The following SMYD3 variants were observed in gnomAD, a reference collection of about 807,000 sequenced individuals.
The protein encoded by SMYD3 is histone-lysine N-methyltransferase SMYD3.
A neutral mutation model predicts 57.7 loss-of-function variants in SMYD3; 36 were observed. That is an observed-to-expected ratio of 0.62 (90% CI 0.48 to 0.82). The LOEUF is 0.82. SMYD3 is among the 40% of genes least tolerant of loss of function. The probability of loss-of-function intolerance (pLI) is 0.00; values close to 1 mark genes in which losing one functional copy is unlikely to be tolerated. For missense variants in SMYD3, 515 were observed against 538.8 expected (o/e 0.96, Z 0.44); for synonymous variants, 211 against 195.0 (o/e 1.08, Z -0.68).
intron 1 of SMYD3, among the ~76,000 whole-genome samples, chr1:246,359,335 C>A (rs969301252): frequency 3.3e-5 from 5 of 151,994 alleles, no homozygotes; most frequent in Non-Finnish European, 5.9e-5. Context: ...AAATTGCCAA[C>A]AAGAAAAGTC....
chr1:246,134,951 CTT>C (rs2148082564), intron 5 of SMYD3, among the ~76,000 whole-genome samples: 1 of 148,952 alleles, frequency 6.7e-6, no homozygotes, highest in South Asian at 2.1e-4. Flanking sequence ...AAAAAAAAAA[CTT>C]AGCATATATG....
Position 246,408,950 on chromosome 1 carries a change from G to T in SMYD3, c.165-53856C>A, listed in dbSNP as rs148437036. On this transcript the variant is annotated intron_variant, in intron 1 of 11. Transcript: ENST00000490107. ...CTCCCAAAGTGTTGGGATTACAGGC[G>T]TGAGCCACCGCACCCAGCCAAGTCT... Among the ~76,000 whole-genome samples the T allele has an allele frequency of 6.5e-4, 99 of 152,210 alleles. 1 individual carries two copies. The East Asian group carries it at 0.018, about 27-fold the overall frequency.
chr1:246,302,640 T>C (rs1437651572), intron 5 of SMYD3, among the ~76,000 whole-genome samples: 2 of 152,098 alleles, frequency 1.3e-5, no homozygotes, highest in Non-Finnish European at 2.9e-5. Context: ...AGGCTGAGTA[T>C]AGCAAATTGG....
chr1:246,272,218 A>C (rs1475035366), intron 5 of SMYD3, among the ~76,000 whole-genome samples: 2 of 152,230 alleles, frequency 1.3e-5, no homozygotes, highest in African/African-American at 4.8e-5. Flanking sequence ...AGGTCATATC[A>C]TCTATGAACA....
At chr1:246,054,327 G>T (rs10924467) in intron 5 of SMYD3, among the ~76,000 whole-genome samples, 1 of 152,092 alleles carries the variant, frequency 6.6e-6, no homozygotes, top group African/African-American at 2.4e-5. Flanking sequence ...GGGGGAACAC[G>T]AAAAGTCACG....
intron 5 of SMYD3, among the ~76,000 whole-genome samples, chr1:246,199,621 A>G (rs995891441): frequency 5.9e-5 from 9 of 152,240 alleles, no homozygotes; most frequent in Non-Finnish European, 1.3e-4. Flanking sequence ...CACATTTCCA[A>G]TATCTTGTCA....
chr1:246,467,626 T>C (rs1464105060), intron 1 of SMYD3, among the ~76,000 whole-genome samples: 7 of 151,930 alleles, frequency 4.6e-5, no homozygotes, highest in Non-Finnish European at 1.0e-4. Context: ...AAGATAAAAG[T>C]CTCCCATCAA....
chr1:246,110,616 G>T lies in SMYD3; in HGVS notation c.532-180679C>A, dbSNP rs74926864. On this transcript the variant is annotated intron_variant, in intron 5 of 11. Transcript: ENST00000490107. ...TCCCCGCTGCAAGACAGACAGATCTGGTGCTCTCTCTCTTTCTTTGGGTGC... is the reference window on the plus strand; with the variant it reads ...TCCCCGCTGCAAGACAGACAGATCTTGTGCTCTCTCTCTTTCTTTGGGTGC... 2.0e-4 allele frequency among the ~76,000 whole-genome samples: 30 copies of T among 152,302 alleles called. No homozygotes were observed. The East Asian group carries it at 4.8e-3, about 24-fold the overall frequency.
At chr1:246,189,525 G>T (rs1037267689) in intron 5 of SMYD3, among the ~76,000 whole-genome samples, 1 of 152,128 alleles carries the variant, frequency 6.6e-6, no homozygotes, top group African/African-American at 2.4e-5. Context: ...TAACAAGAAG[G>T]GACATATAAG....
intron 1 of SMYD3, among the ~76,000 whole-genome samples, chr1:246,461,560 T>G (rs1252127715): frequency 6.6e-6 from 1 of 151,958 alleles, no homozygotes; most frequent in Admixed American, 6.6e-5. Context: ...CTTATCTATT[T>G]GTTTTGCTAG....
intron 5 of SMYD3, among the ~76,000 whole-genome samples, chr1:246,047,872 T>C (rs2059997319): frequency 6.6e-6 from 1 of 151,892 alleles, no homozygotes; most frequent in Non-Finnish European, 1.5e-5. Flanking sequence ...AAAATAATTA[T>C]ATAGCTTTGA....
intron 5 of SMYD3, chr1:246,109,662 A>G (rs2061196333): frequency 6.6e-6 from 1 of 152,320 alleles, no homozygotes; most frequent in South Asian, 2.1e-4. Context: ...TCCAGCTCTC[A>G]TGGAAAAAGG....
intron 5 of SMYD3, among the ~76,000 whole-genome samples, chr1:246,015,922 G>C (rs2059369078): frequency 6.6e-6 from 1 of 152,174 alleles, no homozygotes; most frequent in South Asian, 2.1e-4. Context: ...TACCTAGAAA[G>C]AGAACTGCTG....
intron 5 of SMYD3, among the ~76,000 whole-genome samples, chr1:246,322,053 G>C (rs1261530969): frequency 6.6e-6 from 1 of 152,100 alleles, no homozygotes; most frequent in Non-Finnish European, 1.5e-5. Flanking sequence ...CATTGTGCCT[G>C]ACCAATAAAT....
chr1:246,071,665 C>T (rs1036610966), intron 5 of SMYD3, among the ~76,000 whole-genome samples: 2 of 152,148 alleles, frequency 1.3e-5, no homozygotes, highest in African/African-American at 2.4e-5. Flanking sequence ...TCTCTGAAAT[C>T]GAAAATCCTG....
At chr1:246,380,506 T>C (rs6685168) in intron 1 of SMYD3, among the ~76,000 whole-genome samples, 6,246 of 152,250 alleles carry the variant, frequency 0.041, 429 homozygotes, top group African/African-American at 0.14. Context: ...AAATGGAAAA[T>C]GTTAATTATC....
At position 246,451,906 on chromosome 1, in the gene SMYD3, G is replaced by A. The variant is rs190962856; in HGVS notation, c.164+55148C>T. Among the ~76,000 whole-genome samples, 4 of 152,038 alleles carry A rather than the reference G, an allele frequency of 2.6e-5. No homozygotes were observed. In the East Asian group the frequency reaches 5.8e-4, roughly 22 times the overall value. On this transcript the variant is annotated intron_variant, in intron 1 of 11. Transcript: ENST00000490107. ...TCAAAAATATACTGTTTTTTTAAAT[G>A]CCTACATAAATGCTCAATAAATGTT...
intron 1 of SMYD3, among the ~76,000 whole-genome samples, chr1:246,369,470 G>C (rs2066159164): frequency 6.6e-6 from 1 of 152,182 alleles, no homozygotes; most frequent in East Asian, 1.9e-4. Flanking sequence ...CACACCAGTA[G>C]ATGTGGTCAA....
intron 5 of SMYD3, among the ~76,000 whole-genome samples, chr1:246,163,499 T>A (rs1446181984): frequency 6.6e-6 from 1 of 152,200 alleles, no homozygotes; most frequent in Non-Finnish European, 1.5e-5. Context: ...ATAAAGGCAA[T>A]CAGGACTCTA....
Sources: gnomAD v4.1 joint callset for allele counts (sites outside exome capture counted in the v4.1 genomes callset) on GRCh38, gnomAD v4.1.1 for gene constraint, MANE v1.5 for transcripts, NCBI Gene and HGNC (gene_info 2026-07-23, HGNC 2026-07-21) for gene names.